The following CFAP52 variants were observed in gnomAD, a reference collection of about 807,000 sequenced individuals.
CFAP52 encodes the protein cilia and flagella associated protein 52.
A neutral mutation model predicts 70.5 loss-of-function variants in CFAP52; 57 were observed. The observed-to-expected ratio is 0.81, with a 90% confidence interval of 0.65 to 1.01. CFAP52 has a LOEUF of 1.01. CFAP52 is among the 50% of genes least tolerant of loss of function. The pLI is 0.00. For synonymous variants in CFAP52, 267 were observed against 292.5 expected (o/e 0.91, Z 0.89); for missense variants, 785 against 788.5 (o/e 1.00, Z 0.05).
chr17:9,626,627 G>A (rs1810485922), intron 8 of CFAP52, among the ~76,000 whole-genome samples: 1 of 152,164 alleles, frequency 6.6e-6, no homozygotes, highest in Admixed American at 6.5e-5. Flanking sequence ...CAGAGGAGGA[G>A]CTCATTCACC....
chr17:9,604,345 G>A (rs1029421921), intron 6 of CFAP52, among the ~76,000 whole-genome samples: 33 of 152,262 alleles, frequency 2.2e-4, no homozygotes, highest in Admixed American at 1.3e-3. Flanking sequence ...TAAAGATACA[G>A]AGTGAGAGGA....
rs112431705 is a variant in CFAP52 at position 9,629,329 on chromosome 17, T to A, written c.1174+509T>A. Among the ~76,000 whole-genome samples the A allele has an allele frequency of 8.0e-3, 1,222 of 152,292 alleles. 8 individuals carry two copies. The highest frequency in any genetic ancestry group is 0.027 in the Middle Eastern group (8 of 294). ...AAAACAGTAATTTCTCAGTATTGTC[T>A]TATGCTAAATCTATCTGTAAGTCTC... On this transcript the variant is annotated intron_variant, in intron 9 of 13. Transcript: ENST00000352665.
intron 3 of CFAP52, chr17:9,590,558 G>A (rs1190875723): frequency 6.6e-6 from 1 of 152,368 alleles, no homozygotes; most frequent in Non-Finnish European, 1.5e-5. Flanking sequence ...CTCAACCTTT[G>A]GAGCACACTG....
intron 8 of CFAP52, among the ~76,000 whole-genome samples, chr17:9,612,811 T>C (rs551641880): frequency 6.6e-6 from 1 of 152,350 alleles, no homozygotes; most frequent in Admixed American, 6.5e-5. Context: ...TTTTTTTTAT[T>C]TTATGATGGT....
In CFAP52 at chr17:9,631,027, A is replaced by AG. The variant is rs1491283771; in HGVS notation, c.1175-1861_1175-1860insG. ...GAAAGAAAGAAAGAAAGAAAGAAAG[A>AG]AAGAGAGAGAGAGAGAGAGAGAGAG... On this transcript the variant is annotated intron_variant, in intron 9 of 13. Transcript: ENST00000352665. Among the ~76,000 whole-genome samples the AG allele has an allele frequency of 1.6e-3, 125 of 75,890 alleles. 3 individuals carry two copies. Among genetic ancestry groups the AG allele is most frequent in the African/African-American group, 7.5e-3 (105 of 13,972 alleles). 49.8% of individuals were successfully genotyped at this position (75,890 alleles called of 152,430 possible). A position where few individuals can be genotyped will look rare whatever the true frequency, so the allele number is the denominator to read the frequency against.
At chr17:9,586,077 C>A (rs1908459563) in intron 2 of CFAP52, 105 bp downstream of exon 2, 3 of 1,131,800 alleles carry the variant, frequency 2.7e-6, no homozygotes, top group Non-Finnish European at 2.5e-6. Context: ...GTGCTTTATT[C>A]TTCCTTCTTC....
rs1296008316 is a variant in CFAP52 at position 9,584,138 on chromosome 17, C to A, written c.71-1635C>A. On this transcript the variant is annotated intron_variant, in intron 1 of 13. Coordinates refer to ENST00000352665, the MANE Select transcript of CFAP52 (RefSeq NM_145054.5). ...TTCTTACCAGGCTGGTCAGCCCATTCCCAGAGTTGTTGGTCATTGTATTTT... is the reference window on the plus strand; with the variant it reads ...TTCTTACCAGGCTGGTCAGCCCATTACCAGAGTTGTTGGTCATTGTATTTT... 1.0e-5 allele frequency: 12 copies of A among 1,174,014 alleles called. No individual in the cohort carries two copies. The African/African-American group carries it at 1.1e-4, about 11-fold the overall frequency. 72.7% of individuals were successfully genotyped at this position (1,174,014 alleles called of 1,614,324 possible). A position where few individuals can be genotyped will look rare whatever the true frequency, so the allele number is the denominator to read the frequency against.
intron 8 of CFAP52, among the ~76,000 whole-genome samples, chr17:9,625,789 T>C (rs1910214254): frequency 6.6e-6 from 1 of 152,218 alleles, no homozygotes; most frequent in South Asian, 2.1e-4. Context: ...TGTTAATTCA[T>C]CCAGTTTTTC....
intron 6 of CFAP52, among the ~76,000 whole-genome samples, chr17:9,603,268 G>A (rs1284073275): frequency 6.6e-6 from 1 of 152,144 alleles, no homozygotes; most frequent in East Asian, 1.9e-4. Context: ...GAGTGCAGTG[G>A]CACTATCTCG....
At chr17:9,609,788 T>G (rs1432823459) in intron 7 of CFAP52, among the ~76,000 whole-genome samples, 1 of 152,084 alleles carries the variant, frequency 6.6e-6, no homozygotes, top group Non-Finnish European at 1.5e-5. Context: ...TGAGAATGTT[T>G]TAGACCAGTT....
At chr17:9,592,307 G>A (rs1191662599) in intron 3 of CFAP52, among the ~76,000 whole-genome samples, 2 of 151,696 alleles carry the variant, frequency 1.3e-5, no homozygotes, top group Admixed American at 6.6e-5. Context: ...TACTAAAAAT[G>A]CAAAAAAAAT....
chr17:9,579,819 C>T (rs1421675010), intron 1 of CFAP52, among the ~76,000 whole-genome samples: 2 of 152,276 alleles, frequency 1.3e-5, no homozygotes, highest in Non-Finnish European at 1.5e-5. Context: ...CCACCCGCCT[C>T]GGCCTCCCAA....
intron 10 of CFAP52, 130 bp downstream of exon 10, chr17:9,633,163 G>T: frequency 9.1e-7 from 1 of 1,092,996 alleles, no homozygotes; most frequent in Non-Finnish European, 1.3e-6. Context: ...ACATTTTGAT[G>T]AGATCTGAAA....
intron 12 of CFAP52, among the ~76,000 whole-genome samples, chr17:9,639,749 G>A (rs1226214646): frequency 1.3e-5 from 2 of 152,162 alleles, no homozygotes; most frequent in Non-Finnish European, 2.9e-5. Context: ...GTGGGTGAAG[G>A]CCTCCTTAAG....
At chr17:9,582,719 A>C (rs1339080398) in intron 1 of CFAP52, among the ~76,000 whole-genome samples, 3 of 152,136 alleles carry the variant, frequency 2.0e-5, no homozygotes, top group African/African-American at 4.8e-5. Context: ...TCACTGCAAC[A>C]TCCACCTCCC....
intron 6 of CFAP52, among the ~76,000 whole-genome samples, chr17:9,606,917 C>T (rs935891380): frequency 6.6e-5 from 10 of 152,160 alleles, no homozygotes; most frequent in African/African-American, 2.4e-4. Context: ...TTCTCAATCA[C>T]AAAATGTCTT....
At chr17:9,586,606 C>T in intron 2 of CFAP52, 92 bp from the exon 3 acceptor site, 1 of 1,343,766 alleles carries the variant, frequency 7.4e-7, no homozygotes, top group Non-Finnish European at 9.8e-7. Flanking sequence ...AGAAAAGTGA[C>T]AGTACTAATT....
chr17:9,641,075 C>G (rs1179447551), intron 12 of CFAP52, among the ~76,000 whole-genome samples: 1 of 152,138 alleles, frequency 6.6e-6, no homozygotes, highest in Non-Finnish European at 1.5e-5. Flanking sequence ...TGTGCATTCA[C>G]AAAGTTTAAG....
chr17:9,635,618 T>C, intron 11 of CFAP52, 62 bp downstream of exon 11: 1 of 1,602,548 alleles, frequency 6.2e-7, no homozygotes, highest in Non-Finnish European at 8.5e-7. Flanking sequence ...GCCAACAGTT[T>C]ATTGAACATG....
Sources: allele counts gnomAD v4.1 joint callset (sites outside exome capture counted in the v4.1 genomes callset), GRCh38; gene constraint gnomAD v4.1.1; transcripts MANE v1.5; gene names NCBI Gene and HGNC (gene_info 2026-07-23, HGNC 2026-07-21).